Variants in TMEM130 observed in about 807,000 individuals in gnomAD.
TMEM130 encodes transmembrane protein 130.
A neutral mutation model predicts 42.9 loss-of-function variants in TMEM130; 37 were observed. The observed-to-expected ratio is 0.86, with a 90% CI of 0.66 to 1.13. The LOEUF is 1.13. Among genes scored for constraint, TMEM130 ranks in the 50% most tolerant of loss-of-function variants. The pLI is 0.00. For synonymous variants in TMEM130, 259 were observed against 237.7 expected (o/e 1.09, Z -0.82); for missense variants, 545 against 562.6 (o/e 0.97, Z 0.32).
At chr7:98,860,783 A>G (rs1233005823) in intron 2 of TMEM130, among the ~76,000 whole-genome samples, 1 of 151,816 alleles carries the variant, frequency 6.6e-6, no homozygotes, top group East Asian at 1.9e-4. Context: ...TCACTACTAA[A>G]AACACAAAAA....
chr7:98,869,294 TC>T lies in TMEM130; in HGVS notation c.85+482del. ...GCCTCCTGGGCTCTAAATTCGCATC[TC>T]CCCAAAGCCAGCACCAACACGGTGG... is the stretch of plus-strand genomic sequence containing the variant. On this transcript the variant is annotated intron_variant, in intron 1 of 7. Coordinates refer to ENST00000339375, the MANE Select transcript of TMEM130 (RefSeq NM_152913.3). The surrounding 1 kb of genome is among the most constrained non-coding windows in gnomAD (Gnocchi z 4.7). 1 of 1,286,352 alleles carries T rather than the reference TC, an allele frequency of 7.8e-7. No individual in the cohort carries two copies. Among genetic ancestry groups the T allele is most frequent in the Non-Finnish European group, 1.0e-6 (1 of 987,684 alleles). 79.7% of individuals were successfully genotyped at this position (1,286,352 alleles called of 1,614,324 possible). A position where few individuals can be genotyped will look rare whatever the true frequency, so the allele number is the denominator to read the frequency against.
At chr7:98,855,159 G>A in intron 5 of TMEM130, 81 bp downstream of exon 5, 2 of 1,301,212 alleles carry the variant, frequency 1.5e-6, no homozygotes, top group East Asian at 2.4e-5. Flanking sequence ...CTGTCACAGA[G>A]CAGAACAGAC....
intron 3 of TMEM130, among the ~76,000 whole-genome samples, chr7:98,857,455 T>A (rs1054636733): frequency 6.6e-6 from 1 of 152,110 alleles, no homozygotes. Flanking sequence ...ATACCAACAC[T>A]TTGGGAAGCC....
chr7:98,855,357 T>A, intron 4 of TMEM130, 33 bp from the exon 5 acceptor site: 1 of 1,588,554 alleles, frequency 6.3e-7, no homozygotes, highest in Middle Eastern at 1.7e-4. Flanking sequence ...TTAGACCTGG[T>A]GGCTAAGGAT....
chr7:98,848,252 G>T, intron 7 of TMEM130, 44 bp from the exon 8 acceptor site: 2 of 1,611,934 alleles, frequency 1.2e-6, no homozygotes, highest in South Asian at 2.2e-5. Flanking sequence ...CACCTATGAT[G>T]AACAAAATCC....
chr7:98,868,093 G>T (rs1190206050), intron 1 of TMEM130, among the ~76,000 whole-genome samples: 1 of 152,204 alleles, frequency 6.6e-6, no homozygotes, highest in African/African-American at 2.4e-5. Context: ...GCCAGGTGTG[G>T]TGGCAGGCGC....
At position 98,860,251 on chromosome 7, in the gene TMEM130, G is replaced by C. The variant is rs1554399589; in HGVS notation, c.479C>G (p.Ser160Cys). The change falls in exon 3 of 8, where the codon TCC becomes TGC. Residue 160 changes from serine (S) to cysteine (C), a missense_variant. Coordinates refer to ENST00000339375, the MANE Select transcript of TMEM130 (RefSeq NM_152913.3). ...SYLTKTVLKV[S>C]FLLHDPSNFL... ...GTTGCTCGGGTCGTGGAGGAGGAAGGAGACTTTCAGGACGGTCTTAGTGAG... is the reference window on the plus strand; with the variant it reads ...GTTGCTCGGGTCGTGGAGGAGGAAGCAGACTTTCAGGACGGTCTTAGTGAG... The C allele has an allele frequency of 6.2e-7, 1 of 1,614,040 alleles. No homozygotes were observed. The highest frequency in any genetic ancestry group is 1.7e-5 in the Admixed American group (1 of 60,006).
intron 2 of TMEM130, 135 bp downstream of exon 2, chr7:98,862,954 TGACCCG>T: frequency 1.1e-6 from 1 of 920,838 alleles, no homozygotes; most frequent in Non-Finnish European, 1.6e-6. Flanking sequence ...CTAACTCGAC[TGACCCG>T]GGGAAGGAAC....
chr7:98,860,482 A>AC lies in TMEM130; in HGVS notation c.392-145dup, dbSNP rs577177629. ...TCAGAGCTAGGCAGGGAGAGGGGAC[A>AC]CCCCCCTACAACTCCCCAAAGACCC... is the stretch of plus-strand genomic sequence containing the variant. On this transcript the variant is annotated intron_variant, in intron 2 of 7. Transcript: ENST00000339375. The AC allele has an allele frequency of 8.7e-4, 699 of 805,960 alleles. 3 individuals carry two copies. Among genetic ancestry groups the AC allele is most frequent in the East Asian group, 6.8e-3 (245 of 36,020 alleles). 49.9% of individuals were successfully genotyped at this position (805,960 alleles called of 1,614,324 possible). A position where few individuals can be genotyped will look rare whatever the true frequency, so the allele number is the denominator to read the frequency against.
rs1319128137 is a variant in TMEM130 at position 98,847,615 on chromosome 7, AC to A, written c.*440del. On this transcript the variant is annotated 3_prime_UTR_variant, in exon 8 of 8. Transcript: ENST00000339375. Reference sequence around the variant, plus strand: ...TACAACCTTTAGTTATGGATTTTTAACCCTTTATGACCTTCTTTCTAGCTCT... The same window carrying A: ...TACAACCTTTAGTTATGGATTTTTAACCTTTATGACCTTCTTTCTAGCTCT... 6.4e-6 allele frequency: 1 copy of A among 156,012 alleles called. No individual in the cohort carries two copies. Among genetic ancestry groups the A allele is most frequent in the African/African-American group, 2.4e-5 (1 of 41,276 alleles). 9.7% of individuals were successfully genotyped at this position (156,012 alleles called of 1,614,324 possible).
At chr7:98,861,451 A>C (rs1794769078) in intron 2 of TMEM130, among the ~76,000 whole-genome samples, 2 of 152,214 alleles carry the variant, frequency 1.3e-5, no homozygotes. Flanking sequence ...ACGGTGGCTC[A>C]CACCTGTAAT....
intron 1 of TMEM130, among the ~76,000 whole-genome samples, chr7:98,868,702 G>C (rs183467322): frequency 9.8e-5 from 15 of 152,308 alleles, no homozygotes; most frequent in African/African-American, 3.4e-4. Flanking sequence ...CATCAAGGGT[G>C]CAATTGGCTA....
Position 98,861,902 on chromosome 7 carries a change from T to G in TMEM130, c.391+1193A>C, listed in dbSNP as rs78377099. Among the ~76,000 whole-genome samples, 924 of 152,320 alleles carry G rather than the reference T, an allele frequency of 6.1e-3. 8 individuals are homozygous for G. The highest frequency in any genetic ancestry group is 0.021 in the African/African-American group (859 of 41,558). ...CTTCAGTGTTTAATATACACATACA[T>G]TAAATACAGATTATTGGGTTAGACA... On this transcript the variant is annotated intron_variant, in intron 2 of 7. Transcript: ENST00000339375.
intron 5 of TMEM130, among the ~76,000 whole-genome samples, chr7:98,853,580 A>G (rs1794559466): frequency 1.3e-5 from 2 of 152,144 alleles, no homozygotes; most frequent in South Asian, 2.1e-4. Flanking sequence ...GTGAGCTGAG[A>G]TTGCACCACT....
chr7:98,861,242 G>A (rs1401007127), intron 2 of TMEM130, among the ~76,000 whole-genome samples: 5 of 151,830 alleles, frequency 3.3e-5, no homozygotes, highest in African/African-American at 7.3e-5. Flanking sequence ...GGAGGCTGAG[G>A]CGGGAGAATG....
At chr7:98,848,729 G>A in intron 6 of TMEM130, 34 bp from the exon 7 acceptor site, 1 of 1,414,204 alleles carries the variant, frequency 7.1e-7, no homozygotes, top group South Asian at 1.1e-5. Flanking sequence ...ACAGGACTGG[G>A]TAGCTGGTAC....
intron 2 of TMEM130, among the ~76,000 whole-genome samples, chr7:98,862,375 A>AAGAGATAGAAAGACAGAAAG (rs1248325564): frequency 6.6e-5 from 10 of 151,900 alleles, no homozygotes; most frequent in Non-Finnish European, 1.5e-4. Flanking sequence ...GAGAGACAGA[A>AAGAGATAGAAAGACAGAAAG]AGAGACAGAC....
chr7:98,850,273 A>ATATATATATTTTTTTTTTTTTTTTTT, intron 6 of TMEM130, among the ~76,000 whole-genome samples: 70 of 35,374 alleles, frequency 2.0e-3, no homozygotes, highest in South Asian at 3.4e-3. Flanking sequence ...ATATATATAT[A>ATATATATATTTTTTTTTTTTTTTTTT]TTTTTTTTTT....
At chr7:98,854,087 G>A (rs1289704533) in intron 5 of TMEM130, among the ~76,000 whole-genome samples, 1 of 149,018 alleles carries the variant, frequency 6.7e-6, no homozygotes, top group Non-Finnish European at 1.5e-5. Context: ...GCCCAGGCTG[G>A]AGTGCAATGG....
Sources: allele counts gnomAD v4.1 joint callset (sites outside exome capture counted in the v4.1 genomes callset), GRCh38; gene constraint gnomAD v4.1.1; non-coding constraint Gnocchi (gnomAD v3.1); transcripts MANE v1.5; gene names NCBI Gene and HGNC (gene_info 2026-07-23, HGNC 2026-07-21).